MTUS1: variants seen among roughly 807,000 people sequenced by gnomAD.
MTUS1 encodes microtubule-associated tumor suppressor 1.
Under a neutral mutation model 120.8 loss-of-function variants are expected in MTUS1, and 109 were observed. That is an observed-to-expected ratio of 0.90 (90% CI 0.77 to 1.06). The LOEUF (loss-of-function observed/expected upper bound fraction) is 1.06, where lower values mean the gene tolerates loss of function less well. Ranked by LOEUF, MTUS1 falls within the 50% of genes least tolerant of loss-of-function variation. The probability of loss-of-function intolerance (pLI) is 0.00; values close to 1 mark genes in which losing one functional copy is unlikely to be tolerated. For missense variants in MTUS1, 2,210 were observed against 1,486.3 expected (o/e 1.49, Z -8.01); for synonymous variants, 737 against 550.5 (o/e 1.34, Z -4.74).
intron 3 of MTUS1, among the ~76,000 whole-genome samples, chr8:17,736,643 G>C (rs2046954007): frequency 6.6e-6 from 1 of 151,974 alleles, no homozygotes; most frequent in Non-Finnish European, 1.5e-5. Context: ...GGAGTGCAGT[G>C]GTGCGACCTC....
intron 3 of MTUS1, among the ~76,000 whole-genome samples, chr8:17,730,677 C>A (rs569648555): frequency 3.2e-4 from 49 of 152,122 alleles, no homozygotes; most frequent in Non-Finnish European, 6.5e-4. Flanking sequence ...TTGACACATG[C>A]TACAACATGG....
At chr8:17,790,977 T>C (rs914061765) in intron 1 of MTUS1, among the ~76,000 whole-genome samples, 1 of 151,982 alleles carries the variant, frequency 6.6e-6, no homozygotes, top group African/African-American at 2.4e-5. Context: ...CAAAGCAAAC[T>C]ATCGGTGGGG....
At chr8:17,706,123 G>A (rs1820110188) in intron 6 of MTUS1, 1 of 151,824 alleles carries the variant, frequency 6.6e-6, no homozygotes, top group Admixed American at 6.6e-5. Flanking sequence ...TCAACTTCCT[G>A]GAAAAGAACC....
chr8:17,680,880 C>A (rs1412113685), intron 7 of MTUS1, among the ~76,000 whole-genome samples: 1 of 151,994 alleles, frequency 6.6e-6, no homozygotes, highest in Non-Finnish European at 1.5e-5. Context: ...GACTCCCGGG[C>A]CTTCGTTCAC....
At chr8:17,729,304 C>A (rs778578793) in intron 3 of MTUS1, among the ~76,000 whole-genome samples, 26 of 152,248 alleles carry the variant, frequency 1.7e-4, no homozygotes, top group Non-Finnish European at 3.2e-4. Flanking sequence ...GGTCCACTTC[C>A]AATTAAGCTT....
In MTUS1 at chr8:17,766,813, G is replaced by C. The variant is rs540181095; in HGVS notation, c.-154-10852C>G. ...CTTGTTTTGGTAGGTAGATTGAATT[G>C]AGAATCATATAATCAGTATATCTGA... On this transcript the variant is annotated intron_variant, in intron 1 of 14. Transcript: ENST00000693296. Among the ~76,000 whole-genome samples the C allele has an allele frequency of 5.3e-5, 8 of 152,224 alleles. No individual in the cohort carries two copies. The South Asian group carries it at 6.2e-4, about 12-fold the overall frequency.
In MTUS1 at chr8:17,715,767, C is replaced by T. The variant is rs1348959914; in HGVS notation, c.2584G>A (p.Gly862Ser). ...HVHLMKTPPK[G>S]PSRKNLFTAL... ...CTTCAAACCACAATGAGGACTGTAC[C>T]TTTTGGAGGAGTTTTCATCAAGTGA... Residue 862 changes from glycine to serine, a missense_variant and splice_region_variant, in exon 5 of 15, where the codon GGT becomes AGT. Physicochemically the swap from Gly to Ser is moderately conservative, Grantham distance 56 (BLOSUM62 0). Transcript: ENST00000693296. 1 of 1,611,406 alleles carries T rather than the reference C, an allele frequency of 6.2e-7. No individual in the cohort carries two copies. Among genetic ancestry groups the T allele is most frequent in the Non-Finnish European group, 8.5e-7 (1 of 1,179,292 alleles).
intron 1 of MTUS1, among the ~76,000 whole-genome samples, chr8:17,784,943 T>A (rs1374255129): frequency 6.6e-6 from 1 of 151,892 alleles, no homozygotes; most frequent in African/African-American, 2.4e-5. Flanking sequence ...CACCACCATG[T>A]CCGGCTAATT....
chr8:17,731,588 T>C (rs930057241), intron 3 of MTUS1, among the ~76,000 whole-genome samples: 19 of 152,056 alleles, frequency 1.2e-4, no homozygotes, highest in African/African-American at 3.9e-4. Context: ...ACCGTCTTAT[T>C]ATGCATAAAA....
chr8:17,730,304 A>G (rs1273838732), intron 3 of MTUS1, among the ~76,000 whole-genome samples: 2 of 152,158 alleles, frequency 1.3e-5, no homozygotes, highest in Non-Finnish European at 2.9e-5. Context: ...GAATATGGTG[A>G]AACCCCATCT....
intron 1 of MTUS1, among the ~76,000 whole-genome samples, chr8:17,800,237 C>T (rs2052572253): frequency 6.6e-6 from 1 of 152,098 alleles, no homozygotes; most frequent in Admixed American, 6.6e-5. Context: ...ACCCCTACTC[C>T]CACCCTCCAG....
rs758952117 is a variant in MTUS1, at chr8:17,649,975, C to T, written c.3385-13G>A. On this transcript the variant is annotated splice_polypyrimidine_tract_variant and intron_variant, in intron 12 of 14. Coordinates refer to ENST00000693296, the MANE Select transcript of MTUS1 (RefSeq NM_001363059.2). ...TCTGAGGATTTTTCTGGAAAGGACA[C>T]AGCAAGATACTGCTCTTATTCCACA... 3.2e-6 allele frequency: 4 copies of T among 1,244,918 alleles called. No homozygotes were observed. The highest frequency in any genetic ancestry group is 3.4e-5 in the Admixed American group (2 of 59,480). The allele number at this position is 1,244,918 out of a possible 1,614,324, so 77.1% of individuals were successfully genotyped here.
intron 1 of MTUS1, among the ~76,000 whole-genome samples, chr8:17,790,250 A>C (rs957034584): frequency 1.3e-5 from 2 of 151,772 alleles, no homozygotes; most frequent in African/African-American, 4.8e-5. Flanking sequence ...CGGGAGGCTG[A>C]GGTAGGAGAA....
At chr8:17,702,251 A>G (rs1281314055) in intron 6 of MTUS1, among the ~76,000 whole-genome samples, 1 of 152,210 alleles carries the variant, frequency 6.6e-6, no homozygotes, top group African/African-American at 2.4e-5. Flanking sequence ...ACCAGGTGCT[A>G]ACATTAAGAA....
At chr8:17,743,312 TAATGA>T (rs1301272056) in intron 3 of MTUS1, among the ~76,000 whole-genome samples, 4 of 152,138 alleles carry the variant, frequency 2.6e-5, no homozygotes, top group Non-Finnish European at 2.9e-5. Flanking sequence ...TGAAAAAACT[TAATGA>T]AATGATTCAA....
At chr8:17,745,244 A>C (rs1385050649) in intron 2 of MTUS1, among the ~76,000 whole-genome samples, 1 of 152,168 alleles carries the variant, frequency 6.6e-6, no homozygotes, top group Non-Finnish European at 1.5e-5. Context: ...TAGTTCCAGG[A>C]CCCTGGCAGA....
At chr8:17,800,890 C>G (rs140600520) in intron 1 of MTUS1, 171 bp downstream of exon 1, 7,642 of 152,946 alleles carry the variant, frequency 0.05, 295 homozygotes, top group African/African-American at 0.1. Context: ...AGACCCGCCT[C>G]CGCTCCGCCG....
chr8:17,692,306 C>G (rs187679516), intron 6 of MTUS1: 1 of 152,290 alleles, frequency 6.6e-6, no homozygotes, highest in African/African-American at 2.4e-5. Context: ...GCTTAAGCGA[C>G]CTGGCACCAC....
intron 6 of MTUS1, among the ~76,000 whole-genome samples, chr8:17,696,671 C>T (rs1432865895): frequency 6.6e-6 from 1 of 152,040 alleles, no homozygotes; most frequent in Non-Finnish European, 1.5e-5. Flanking sequence ...CAGATACAAA[C>T]ATAAACCTCA....
Sources: allele counts gnomAD v4.1 joint callset (sites outside exome capture counted in the v4.1 genomes callset), GRCh38; gene constraint gnomAD v4.1.1; transcripts MANE v1.5; gene names NCBI Gene and HGNC (gene_info 2026-07-23, HGNC 2026-07-21).